Variants in SAFB observed in about 807,000 individuals in gnomAD.
SAFB encodes the protein scaffold attachment factor B.
A neutral mutation model predicts 101.6 loss-of-function variants in SAFB; 15 were observed. The observed-to-expected ratio is 0.15, with a 90% confidence interval of 0.10 to 0.23. The LOEUF is 0.23. Ranked by LOEUF, SAFB falls within the 10% of genes least tolerant of loss-of-function variation. SAFB has a pLI of 1.00. For synonymous variants in SAFB, 449 were observed against 407.5 expected (o/e 1.10, Z -1.23); for missense variants, 930 against 1,104.1 (o/e 0.84, Z 2.23).
At chr19:5,639,526 C>G (rs776695778) in intron 2 of SAFB, among the ~76,000 whole-genome samples, 1 of 151,906 alleles carries the variant, frequency 6.6e-6, no homozygotes, top group African/African-American at 2.4e-5. Context: ...AACCCCATCT[C>G]TACTAAAAAT....
chr19:5,629,516 G>GT (rs1157704516), intron 2 of SAFB, among the ~76,000 whole-genome samples: 1 of 151,956 alleles, frequency 6.6e-6, no homozygotes, highest in Non-Finnish European at 1.5e-5. Context: ...AAATCTCACT[G>GT]TTTTTTAACA....
chr19:5,635,969 G>A (rs2053586547), intron 2 of SAFB, among the ~76,000 whole-genome samples: 1 of 152,076 alleles, frequency 6.6e-6, no homozygotes, highest in Admixed American at 6.6e-5. Flanking sequence ...GGAGAATACT[G>A]TCTTTCCTCA....
intron 2 of SAFB, among the ~76,000 whole-genome samples, chr19:5,640,553 A>G (rs920473250): frequency 6.6e-6 from 1 of 151,546 alleles, no homozygotes. Flanking sequence ...ATGGAAATGT[A>G]TAAGTTAAAA....
chr19:5,639,196 G>T (rs892788322), intron 2 of SAFB, among the ~76,000 whole-genome samples: 1 of 152,166 alleles, frequency 6.6e-6, no homozygotes. Flanking sequence ...TTTAGTCAGT[G>T]GTGCTGGGAA....
rs374410818 is a variant in SAFB, at chr19:5,625,500, C to T, written c.190-905C>T. Among the ~76,000 whole-genome samples, 14 of 152,284 alleles carry T rather than the reference C, an allele frequency of 9.2e-5. No individual in the cohort carries two copies. The East Asian group carries it at 1.7e-3, about 19-fold the overall frequency. On this transcript the variant is annotated intron_variant, in intron 1 of 20. Transcript: ENST00000588852. ...CCCACCTGGGAAACTTGGAGGCTTC[C>T]AAACCTCTGCAGATAAAACATAGTA... is the stretch of plus-strand genomic sequence containing the variant.
chr19:5,631,129 G>T (rs931232927), intron 2 of SAFB, among the ~76,000 whole-genome samples: 4 of 152,184 alleles, frequency 2.6e-5, no homozygotes, highest in Non-Finnish European at 4.4e-5. Context: ...GGCGGAGGTT[G>T]CAGTGAGCTG....
chr19:5,661,351 T>C (rs1042918550), intron 14 of SAFB, 167 bp from the exon 15 acceptor site: 48 of 1,234,774 alleles, frequency 3.9e-5, no homozygotes, highest in Middle Eastern at 2.9e-4. Flanking sequence ...CCTGGGCTGC[T>C]CCTGTGGGCC....
chr19:5,668,438 T>A lies in SAFB; in HGVS notation c.*147T>A, dbSNP rs1414734387. 8.4e-6 allele frequency: 7 copies of A among 832,522 alleles called. No individual in the cohort carries two copies. Among genetic ancestry groups the A allele is most frequent in the Non-Finnish European group, 1.2e-5 (7 of 563,718 alleles). 51.6% of individuals were successfully genotyped at this position (832,522 alleles called of 1,614,324 possible). ...AATTTGTTTTTCGTTTTGGGGTTTT[T>A]TTTTTTTGTAATAAATGTGTTTCCG... On this transcript the variant is annotated 3_prime_UTR_variant, in exon 21 of 21. Transcript: ENST00000588852.
At chr19:5,655,682 T>G (rs1202859897) in intron 13 of SAFB, among the ~76,000 whole-genome samples, 1 of 152,062 alleles carries the variant, frequency 6.6e-6, no homozygotes, top group Non-Finnish European at 1.5e-5. Context: ...TTTCACTTGG[T>G]GAATGGAGCG....
chr19:5,667,690 G>T lies in SAFB; in HGVS notation c.2558-130G>T. Reference sequence around the variant, plus strand: ...GGACGTCTATGGTCCCTGTGCCCAGGTGTCTTCCTGGGACCCGCTAGTTGT... The same window carrying T: ...GGACGTCTATGGTCCCTGTGCCCAGTTGTCTTCCTGGGACCCGCTAGTTGT... On this transcript the variant is annotated intron_variant, in intron 19 of 20. Transcript: ENST00000588852. This position sits in a 1 kb window ranked among gnomAD's most constrained non-coding sequence, Gnocchi z 4.0. 1.2e-6 allele frequency: 1 copy of T among 865,182 alleles called. No individual in the cohort carries two copies. The highest frequency in any genetic ancestry group is 2.6e-5 in the East Asian group (1 of 37,768). 53.6% of individuals were successfully genotyped at this position (865,182 alleles called of 1,614,324 possible).
chr19:5,647,052 C>T (rs2053841818), intron 5 of SAFB, among the ~76,000 whole-genome samples: 1 of 152,210 alleles, frequency 6.6e-6, no homozygotes, highest in South Asian at 2.1e-4. Context: ...TACATTTGTG[C>T]CTGGAACCTA....
intron 17 of SAFB, chr19:5,666,338 G>T (rs1483995467): frequency 6.6e-6 from 1 of 152,300 alleles, no homozygotes; most frequent in Non-Finnish European, 1.5e-5. Context: ...GAAACAGCAG[G>T]GTCAAGAACT....
At chr19:5,659,477 G>T (rs1040546047) in intron 14 of SAFB, among the ~76,000 whole-genome samples, 5 of 151,514 alleles carry the variant, frequency 3.3e-5, no homozygotes, top group Admixed American at 2.0e-4. Flanking sequence ...CGTCCCCTGG[G>T]TTCACACCAT....
At chr19:5,661,442 G>C in intron 14 of SAFB, 76 bp from the exon 15 acceptor site, 1 of 1,577,702 alleles carries the variant, frequency 6.3e-7, no homozygotes, top group Non-Finnish European at 8.6e-7. Flanking sequence ...GTGCGACCCA[G>C]CGTCTTACTT....
intron 17 of SAFB, chr19:5,666,832 G>A: frequency 1.5e-6 from 1 of 646,360 alleles, no homozygotes; most frequent in South Asian, 1.8e-5. Flanking sequence ...CTTGGTACTA[G>A]TACCTTTTTT....
chr19:5,650,783 G>A (rs946489917), intron 8 of SAFB, among the ~76,000 whole-genome samples, 195 bp from the exon 9 acceptor site: 1 of 152,148 alleles, frequency 6.6e-6, no homozygotes, highest in African/African-American at 2.4e-5. Flanking sequence ...CGGGCCCTGT[G>A]GTAGTGCTGC....
rs374578779 is a variant in SAFB at position 5,667,359 on chromosome 19, C to G, written c.2466C>G (p.Asp822Glu). ...GLPPPPRGRRDWGDHGRREDD... is the reference protein window; with the variant it reads ...GLPPPPRGRREWGDHGRREDD... ...TCTCTCTTTCAAGGGGCAGACGTGA[C>G]TGGGGGGACCATGGCCGAAGAGAGG... Residue 822 changes from aspartate (D) to glutamate (E), a missense_variant, in exon 19 of 21, where the codon GAC becomes GAG. Transcript: ENST00000588852. This position sits in a 1 kb window ranked among gnomAD's most constrained non-coding sequence, Gnocchi z 4.0. The G allele has an allele frequency of 6.7e-7, 1 of 1,501,230 alleles. No individual in the cohort carries two copies. Among genetic ancestry groups the G allele is most frequent in the Admixed American group, 2.8e-5 (1 of 36,188 alleles). The allele number at this position is 1,501,230 out of a possible 1,614,324, so 93.0% of individuals were successfully genotyped here.
intron 14 of SAFB, among the ~76,000 whole-genome samples, chr19:5,659,498 C>T (rs931658404): frequency 4.0e-5 from 6 of 151,810 alleles, no homozygotes; most frequent in African/African-American, 1.5e-4. Context: ...TCTCCTGCCT[C>T]AGCCTCCCTA....
At chr19:5,668,026 G>A in intron 20 of SAFB, 136 bp from the exon 21 acceptor site, 1 of 1,430,294 alleles carries the variant, frequency 7.0e-7, no homozygotes, top group Admixed American at 2.2e-5. Flanking sequence ...GTACTGTGGA[G>A]GCTGCTGCCA....
Sources: allele counts gnomAD v4.1 joint callset (sites outside exome capture counted in the v4.1 genomes callset), GRCh38; gene constraint gnomAD v4.1.1; non-coding constraint Gnocchi (gnomAD v3.1); transcripts MANE v1.5; gene names NCBI Gene and HGNC (gene_info 2026-07-23, HGNC 2026-07-21).